The following INPP4A variants were observed in gnomAD, a reference collection of about 807,000 sequenced individuals.
INPP4A encodes inositol polyphosphate-4-phosphatase type I A.
A neutral mutation model predicts 119.8 loss-of-function variants in INPP4A; 33 were observed. The ratio of observed to expected loss-of-function variants is 0.28; its 90% confidence interval spans 0.21 to 0.37. The LOEUF is 0.37. Among genes scored for constraint, INPP4A ranks in the 10% least tolerant of loss-of-function variants. The pLI is 1.00. For synonymous variants in INPP4A, 496 were observed against 500.7 expected, an observed-to-expected ratio of 0.99 and a Z score of 0.12; for missense variants, 956 against 1,289.9, an observed-to-expected ratio of 0.74 and a Z score of 3.97.
chr2:98,514,645 A>G (rs1181669090), intron 1 of INPP4A, among the ~76,000 whole-genome samples: 2 of 152,140 alleles, frequency 1.3e-5, no homozygotes, highest in Non-Finnish European at 2.9e-5. Flanking sequence ...GCCAGGTGTT[A>G]TGGCTCACAC....
Position 98,539,588 on chromosome 2 carries a change from G to C in INPP4A, c.731G>C (p.Arg244Pro). 1.2e-6 allele frequency: 2 copies of C among 1,612,178 alleles called. No homozygotes were observed. The highest frequency in any genetic ancestry group is 1.7e-6 in the Non-Finnish European group (2 of 1,179,082). Reference sequence around the variant, plus strand: ...CCAACCACTGATGGTAACCATTTGCGGATCCTGGAGCAGATGGCAGAGAGC... The same window carrying C: ...CCAACCACTGATGGTAACCATTTGCCGATCCTGGAGCAGATGGCAGAGAGC... ...RFPTTDGNHL[R>P]ILEQMAESVL... The change falls in exon 10 of 25, where the codon CGG becomes CCG. Residue 244 changes from arginine to proline, a missense_variant. Around this residue, in one of 2 missense-constraint regions of INPP4A, gnomAD observed 652 missense variants for 797.9 expected, o/e 0.82. Transcript: ENST00000409851.
chr2:98,581,519 A>G, intron 24 of INPP4A: 2 of 1,438,436 alleles, frequency 1.4e-6, no homozygotes, highest in Non-Finnish European at 1.8e-6. Context: ...TTTTTTCTTT[A>G]TTTTCTTTCC....
chr2:98,518,111 C>T (rs1013955249), intron 1 of INPP4A, among the ~76,000 whole-genome samples: 4 of 152,216 alleles, frequency 2.6e-5, no homozygotes, highest in Non-Finnish European at 5.9e-5. Flanking sequence ...TTAATGTGTA[C>T]AACCATTACT....
intron 1 of INPP4A, among the ~76,000 whole-genome samples, chr2:98,471,521 A>AG (rs1459196412): frequency 6.6e-6 from 1 of 152,154 alleles, no homozygotes; most frequent in African/African-American, 2.4e-5. Context: ...GGTGGATGGA[A>AG]GTAAGGTTGC....
intron 13 of INPP4A, 93 bp from the exon 14 acceptor site, chr2:98,552,693 A>T (rs1693752698): frequency 9.8e-7 from 1 of 1,015,940 alleles, no homozygotes; most frequent in Non-Finnish European, 1.6e-6. Flanking sequence ...AGAACACTTC[A>T]TCTTAGGGTC....
chr2:98,514,865 G>A (rs1685801586), intron 1 of INPP4A, among the ~76,000 whole-genome samples: 1 of 151,982 alleles, frequency 6.6e-6, no homozygotes, highest in Non-Finnish European at 1.5e-5. Context: ...GCTACAATAA[G>A]CCTGATGTCA....
intron 1 of INPP4A, among the ~76,000 whole-genome samples, chr2:98,459,315 A>G (rs1161195509): frequency 1.3e-5 from 2 of 152,174 alleles, no homozygotes; most frequent in Non-Finnish European, 2.9e-5. Flanking sequence ...AAGGGAGGGT[A>G]GAGTTCAGGG....
chr2:98,523,155 A>G (rs984606529), intron 4 of INPP4A, among the ~76,000 whole-genome samples: 1 of 152,206 alleles, frequency 6.6e-6, no homozygotes. Flanking sequence ...GACAATGTGG[A>G]TTTAACACAA....
At chr2:98,518,763 G>A (rs1366934915) in intron 1 of INPP4A, among the ~76,000 whole-genome samples, 1 of 152,220 alleles carries the variant, frequency 6.6e-6, no homozygotes, top group Non-Finnish European at 1.5e-5. Flanking sequence ...CAGCCCTGCA[G>A]GGGAGAGGAA....
intron 1 of INPP4A, among the ~76,000 whole-genome samples, chr2:98,473,603 A>G (rs1158976504): frequency 6.6e-6 from 1 of 152,004 alleles, no homozygotes; most frequent in African/African-American, 2.4e-5. Flanking sequence ...ATGGGTTACA[A>G]TGTGGTCAGG....
intron 7 of INPP4A, among the ~76,000 whole-genome samples, chr2:98,536,659 A>G (rs890456377): frequency 6.6e-6 from 1 of 152,204 alleles, no homozygotes; most frequent in African/African-American, 2.4e-5. Context: ...GGAAAGATGA[A>G]AGACATCAGG....
At chr2:98,532,826 A>G (rs1452161958) in intron 4 of INPP4A, among the ~76,000 whole-genome samples, 1 of 152,134 alleles carries the variant, frequency 6.6e-6, no homozygotes, top group Non-Finnish European at 1.5e-5. Context: ...GTGGTTTATC[A>G]TTGACTGTAA....
chr2:98,530,717 TGAG>T (rs763629133), intron 4 of INPP4A, among the ~76,000 whole-genome samples: 3 of 152,046 alleles, frequency 2.0e-5, no homozygotes, highest in South Asian at 2.1e-4. Context: ...CTCAGAAACA[TGAG>T]GAGATAAGAA....
rs1694321614 is a variant in INPP4A, at chr2:98,555,638, G to T, written c.1652G>T (p.Gly551Val). 1 of 1,613,850 alleles carries T rather than the reference G, an allele frequency of 6.2e-7. No individual in the cohort carries two copies. Among genetic ancestry groups the T allele is most frequent in the African/African-American group, 1.3e-5 (1 of 74,898 alleles). Residue 551 changes from glycine (G) to valine (V), a missense_variant, in exon 16 of 25, where the codon GGC becomes GTC. Coordinates refer to ENST00000409851, the MANE Select transcript of INPP4A (RefSeq NM_001134225.2). ...DKLLQKERLH[G>V]EGCEDVFPCA... ...CTGCTGCAGAAGGAGCGGCTGCATGGCGAGGGCTGTGAGGATGTCTTCCCC... is the reference window on the plus strand; with the variant it reads ...CTGCTGCAGAAGGAGCGGCTGCATGTCGAGGGCTGTGAGGATGTCTTCCCC...
intron 10 of INPP4A, 97 bp downstream of exon 10, chr2:98,539,772 C>T: frequency 8.0e-7 from 1 of 1,257,818 alleles, no homozygotes; most frequent in South Asian, 1.5e-5. Context: ...ATCAGATAGA[C>T]TGGACTGCAA....
At chr2:98,501,458 G>T (rs1021057415) in intron 1 of INPP4A, among the ~76,000 whole-genome samples, 2 of 152,226 alleles carry the variant, frequency 1.3e-5, no homozygotes, top group Admixed American at 6.5e-5. Flanking sequence ...GCTTCGGGAG[G>T]TGACAGTGGA....
chr2:98,470,228 T>C (rs1220442623), intron 1 of INPP4A, among the ~76,000 whole-genome samples: 3 of 152,230 alleles, frequency 2.0e-5, no homozygotes, highest in African/African-American at 7.2e-5. Context: ...AGTGTTTCCC[T>C]GTGGTCCTAG....
At chr2:98,574,716 C>T (rs1001189078) in intron 23 of INPP4A, among the ~76,000 whole-genome samples, 6 of 151,838 alleles carry the variant, frequency 4.0e-5, no homozygotes, top group East Asian at 1.9e-4. Context: ...TTCACTGATG[C>T]GTTCTCCTTG....
chr2:98,529,609 G>T (rs191434034), intron 4 of INPP4A, among the ~76,000 whole-genome samples: 1 of 151,978 alleles, frequency 6.6e-6, no homozygotes, highest in Non-Finnish European at 1.5e-5. Flanking sequence ...GGTGGTGGGC[G>T]CCTGTAGTCC....
Sources: allele counts gnomAD v4.1 joint callset (sites outside exome capture counted in the v4.1 genomes callset), GRCh38; gene constraint gnomAD v4.1.1; regional missense constraint gnomAD v4.1.1; transcripts MANE v1.5; gene names NCBI Gene and HGNC (gene_info 2026-07-23, HGNC 2026-07-21).